PRKN: variants seen among roughly 807,000 people sequenced by gnomAD.
PRKN encodes the protein parkin RBR E3 ubiquitin protein ligase, also known as E3 ubiquitin-protein ligase parkin.
PRKN carries 56 observed loss-of-function variants against 59.5 expected under a neutral mutation model. The observed-to-expected ratio is 0.94, with a 90% confidence interval of 0.76 to 1.18. PRKN has a LOEUF of 1.18. PRKN is among the 50% of genes most tolerant of loss of function. The pLI, the probability that PRKN is intolerant of heterozygous loss-of-function variation, is 0.00. For synonymous variants in PRKN, 250 were observed against 222.1 expected (o/e 1.13, Z -1.12); for missense variants, 657 against 596.4 (o/e 1.10, Z -1.06).
chr6:162,250,144 G>T (rs1011611871), intron 3 of PRKN, among the ~76,000 whole-genome samples: 2 of 148,798 alleles, frequency 1.3e-5, no homozygotes, highest in Admixed American at 6.7e-5. Context: ...GCAAGACTCC[G>T]TCTCAAAAAC....
Position 161,405,776 on chromosome 6 carries a change from G to A in PRKN, c.1084-18899C>T, listed in dbSNP as rs1356929049. ...AAGTCTCGTACCCGTTGGGCCATTT[G>A]AGAAGTGGCAACAGGGGATCAGCAG... On this transcript the variant is annotated intron_variant, in intron 9 of 11. Coordinates refer to ENST00000366898, the MANE Select transcript of PRKN (RefSeq NM_004562.3). This position sits in a 1 kb window ranked among gnomAD's most constrained non-coding sequence, Gnocchi z 5.1. Among the ~76,000 whole-genome samples, 1 of 152,030 alleles carries A rather than the reference G, an allele frequency of 6.6e-6. No homozygotes were observed. Among genetic ancestry groups the A allele is most frequent in the Non-Finnish European group, 1.5e-5 (1 of 68,018 alleles).
chr6:161,513,238 T>C (rs1414601442), intron 9 of PRKN, among the ~76,000 whole-genome samples: 1 of 152,196 alleles, frequency 6.6e-6, no homozygotes, highest in Admixed American at 6.5e-5. Flanking sequence ...ATGTTTTGTT[T>C]GTTTGCTTGC....
chr6:162,517,285 TCGCCCAGG>T (rs1292620008), intron 1 of PRKN, among the ~76,000 whole-genome samples: 1 of 150,736 alleles, frequency 6.6e-6, no homozygotes. Context: ...TCCCGCTCTG[TCGCCCAGG>T]CTGGAGTGCA....
At chr6:162,133,918 T>C (rs1562532588) in intron 4 of PRKN, among the ~76,000 whole-genome samples, 1 of 152,072 alleles carries the variant, frequency 6.6e-6, no homozygotes, top group Non-Finnish European at 1.5e-5. Context: ...GCCTAGATAT[T>C]TTTTGAGGCA....
chr6:162,641,705 A>C (rs1412707663), intron 1 of PRKN, among the ~76,000 whole-genome samples: 2 of 152,218 alleles, frequency 1.3e-5, no homozygotes, highest in Non-Finnish European at 2.9e-5. Flanking sequence ...TTGTCACTCC[A>C]TCCGCCCTCT....
chr6:162,456,217 C>T (rs1295532073), intron 1 of PRKN, among the ~76,000 whole-genome samples: 1 of 152,052 alleles, frequency 6.6e-6, no homozygotes, highest in African/African-American at 2.4e-5. Context: ...AAAGGAAGAA[C>T]AAAATGATGC....
At chr6:162,320,216 G>C (rs546371808) in intron 2 of PRKN, among the ~76,000 whole-genome samples, 1 of 151,404 alleles carries the variant, frequency 6.6e-6, no homozygotes, top group Admixed American at 6.6e-5. Context: ...TTCATTGATG[G>C]ACACTTAGGT....
intron 4 of PRKN, among the ~76,000 whole-genome samples, chr6:162,096,189 T>C (rs1779722393): frequency 6.6e-6 from 1 of 152,146 alleles, no homozygotes; most frequent in Non-Finnish European, 1.5e-5. Flanking sequence ...AACCCGAGGA[T>C]TTGTTTTACC....
At chr6:161,783,360 G>A (rs1380645757) in intron 7 of PRKN, among the ~76,000 whole-genome samples, 1 of 151,998 alleles carries the variant, frequency 6.6e-6, no homozygotes, top group East Asian at 1.9e-4. Flanking sequence ...CAAGCACCAA[G>A]ACTTTTAAAT....
chr6:162,481,825 G>A (rs779773638), intron 1 of PRKN, among the ~76,000 whole-genome samples: 6 of 152,008 alleles, frequency 3.9e-5, no homozygotes, highest in Non-Finnish European at 2.9e-5. Flanking sequence ...AAATACATGC[G>A]TGTGTTTGTG....
At chr6:161,384,812 A>C (rs1336120621) in intron 10 of PRKN, among the ~76,000 whole-genome samples, 3 of 152,202 alleles carry the variant, frequency 2.0e-5, no homozygotes, top group Non-Finnish European at 4.4e-5. Context: ...GTTTTATATA[A>C]AGCTATAGAG....
intron 1 of PRKN, among the ~76,000 whole-genome samples, chr6:162,556,519 C>CG (rs1033486879): frequency 2.0e-5 from 3 of 151,364 alleles, no homozygotes; most frequent in South Asian, 4.2e-4. Context: ...GAGGCCGAGG[C>CG]GGGGGGATCA....
chr6:161,516,897 T>C lies in PRKN; in HGVS notation c.1083+31957A>G, dbSNP rs1778631163. Reference sequence around the variant, plus strand: ...ACATGACTCTTAAATAAGCCACCATTTCAGTGGATGCATTTATTGAATTGA... The same window carrying C: ...ACATGACTCTTAAATAAGCCACCATCTCAGTGGATGCATTTATTGAATTGA... On this transcript the variant is annotated intron_variant, in intron 9 of 11. Transcript: ENST00000366898. Among the ~76,000 whole-genome samples, 2 of 151,546 alleles carry C rather than the reference T, an allele frequency of 1.3e-5. 1 individual carries two copies. Among genetic ancestry groups the C allele is most frequent in the South Asian group, 4.2e-4 (2 of 4,806 alleles).
At chr6:162,610,177 T>G (rs547643310) in intron 1 of PRKN, among the ~76,000 whole-genome samples, 2 of 152,174 alleles carry the variant, frequency 1.3e-5, no homozygotes, top group Non-Finnish European at 2.9e-5. Context: ...AACAACCCTG[T>G]GTGCTAAGCA....
intron 6 of PRKN, among the ~76,000 whole-genome samples, chr6:161,880,510 G>A (rs1253959760): frequency 3.9e-5 from 6 of 152,038 alleles, no homozygotes; most frequent in East Asian, 1.9e-4. Flanking sequence ...ATTCTTCTCC[G>A]CAAGTGGGAT....
chr6:162,437,360 T>A (rs543860538), intron 2 of PRKN, among the ~76,000 whole-genome samples: 61 of 152,308 alleles, frequency 4.0e-4, no homozygotes, highest in Admixed American at 5.9e-4. Flanking sequence ...AGGTTTTTTT[T>A]AAATTCAACT....
Position 161,386,509 on chromosome 6 carries a change from C to G in PRKN, c.1167+285G>C, listed in dbSNP as rs934004643. Reference sequence around the variant, plus strand: ...ACACTGTTAAGTTGTTTTATTTCCCCTCTAAGGACTCCTTTGAAAATGCTC... The same window carrying G: ...ACACTGTTAAGTTGTTTTATTTCCCGTCTAAGGACTCCTTTGAAAATGCTC... On this transcript the variant is annotated intron_variant, in intron 10 of 11. Transcript: ENST00000366898. This position sits in a 1 kb window ranked among gnomAD's most constrained non-coding sequence, Gnocchi z 4.3. 5.3e-5 allele frequency among the ~76,000 whole-genome samples: 8 copies of G among 152,310 alleles called. No individual in the cohort carries two copies. Among genetic ancestry groups the G allele is most frequent in the African/African-American group, 1.9e-4 (8 of 41,574 alleles).
At chr6:162,582,549 A>C (rs1313972449) in intron 1 of PRKN, among the ~76,000 whole-genome samples, 1 of 152,192 alleles carries the variant, frequency 6.6e-6, no homozygotes, top group Non-Finnish European at 1.5e-5. Flanking sequence ...TCTAGGACCA[A>C]ATTCAAGTTC....
intron 7 of PRKN, among the ~76,000 whole-genome samples, chr6:161,612,280 T>C (rs1170792079): frequency 6.6e-6 from 1 of 152,202 alleles, no homozygotes; most frequent in Non-Finnish European, 1.5e-5. Context: ...GAGCCTTCTA[T>C]TGGAAGAAGA....
Sources: allele counts gnomAD v4.1 joint callset (sites outside exome capture counted in the v4.1 genomes callset), GRCh38; gene constraint gnomAD v4.1.1; non-coding constraint Gnocchi (gnomAD v3.1); transcripts MANE v1.5; gene names NCBI Gene and HGNC (gene_info 2026-07-23, HGNC 2026-07-21).